Variants in STK39 observed in about 807,000 individuals in gnomAD.
The protein encoded by STK39 is STE20/SPS1-related proline-alanine-rich protein kinase.
STK39 carries 20 observed loss-of-function variants against 77.8 expected under a neutral mutation model. The ratio of observed to expected loss-of-function variants is 0.26; its 90% CI spans 0.18 to 0.37. STK39 has a LOEUF of 0.37. Among genes scored for constraint, STK39 ranks in the 10% least tolerant of loss-of-function variants. The probability of loss-of-function intolerance (pLI) is 1.00; values close to 1 mark genes in which losing one functional copy is unlikely to be tolerated. For missense variants in STK39, 479 were observed against 656.5 expected (o/e 0.73, Z 2.95); for synonymous variants, 246 against 234.1 (o/e 1.05, Z -0.47).
At chr2:168,028,289 C>T (rs1684751153) in intron 14 of STK39, among the ~76,000 whole-genome samples, 1 of 152,106 alleles carries the variant, frequency 6.6e-6, no homozygotes, top group Admixed American at 6.5e-5. Context: ...TACTTCAGAG[C>T]TGAATACATA....
intron 17 of STK39, among the ~76,000 whole-genome samples, chr2:167,960,958 T>TG: frequency 6.6e-6 from 1 of 152,264 alleles, no homozygotes; most frequent in Middle Eastern, 3.4e-3. Context: ...AGTCCTGAGA[T>TG]GGGGTCTCAG....
intron 10 of STK39, among the ~76,000 whole-genome samples, chr2:168,085,712 C>T (rs1378997409): frequency 1.3e-5 from 2 of 152,160 alleles, no homozygotes; most frequent in Non-Finnish European, 2.9e-5. Context: ...TCCAAAGATG[C>T]CCATGACAAT....
intron 16 of STK39, among the ~76,000 whole-genome samples, chr2:167,974,134 T>G (rs959628708): frequency 1.3e-5 from 2 of 152,186 alleles, no homozygotes; most frequent in Admixed American, 6.5e-5. Flanking sequence ...GATTTTTGTT[T>G]GTCTTTTGAA....
At chr2:168,043,161 C>T (rs1414030695) in intron 14 of STK39, among the ~76,000 whole-genome samples, 1 of 152,128 alleles carries the variant, frequency 6.6e-6, no homozygotes, top group Non-Finnish European at 1.5e-5. Flanking sequence ...TCAAAGCCCA[C>T]CTTTTACTCA....
chr2:168,135,616 C>T (rs1460292921), intron 8 of STK39, among the ~76,000 whole-genome samples: 1 of 152,188 alleles, frequency 6.6e-6, no homozygotes, highest in East Asian at 1.9e-4. Context: ...GCAGGAAATT[C>T]AATGTTTACT....
chr2:167,970,621 C>A (rs949355363), intron 16 of STK39, among the ~76,000 whole-genome samples: 1 of 152,170 alleles, frequency 6.6e-6, no homozygotes, highest in Non-Finnish European at 1.5e-5. Flanking sequence ...CCTGTTAAAG[C>A]AAAGTAAATA....
chr2:168,103,042 G>A (rs1485543688), intron 10 of STK39, among the ~76,000 whole-genome samples: 2 of 151,946 alleles, frequency 1.3e-5, no homozygotes, highest in Non-Finnish European at 2.9e-5. Flanking sequence ...CCAATCACAG[G>A]GATGATGAGG....
At chr2:167,999,297 C>T (rs551836622) in intron 16 of STK39, among the ~76,000 whole-genome samples, 1 of 152,222 alleles carries the variant, frequency 6.6e-6, no homozygotes, top group Admixed American at 6.5e-5. Context: ...ATCATTTTTC[C>T]TTCAGAATGC....
At chr2:168,112,372 G>A (rs981252374) in intron 10 of STK39, among the ~76,000 whole-genome samples, 1 of 152,048 alleles carries the variant, frequency 6.6e-6, no homozygotes, top group African/African-American at 2.4e-5. Flanking sequence ...GGAGGGGGCT[G>A]GTTGGGGGTG....
chr2:167,955,660 G>C, intron 17 of STK39, 90 bp from the exon 18 acceptor site: 2 of 1,290,138 alleles, frequency 1.6e-6, no homozygotes, highest in Non-Finnish European at 2.2e-6. Context: ...TCTAAGCAAA[G>C]GCACAGTTGG....
chr2:168,164,698 G>A (rs1288861813), intron 3 of STK39, among the ~76,000 whole-genome samples: 1 of 152,226 alleles, frequency 6.6e-6, no homozygotes, highest in South Asian at 2.1e-4. Flanking sequence ...ATAAGCCACT[G>A]AGCCTGGCTG....
chr2:168,095,775 CTCTT>C (rs1381267854), intron 10 of STK39, among the ~76,000 whole-genome samples: 4 of 152,034 alleles, frequency 2.6e-5, no homozygotes, highest in Admixed American at 6.5e-5. Context: ...TACAGGGTAT[CTCTT>C]TCTTTAATCA....
intron 14 of STK39, among the ~76,000 whole-genome samples, chr2:168,026,863 A>T (rs1299847351): frequency 6.6e-6 from 1 of 152,140 alleles, no homozygotes; most frequent in African/African-American, 2.4e-5. Flanking sequence ...CACGTCTGTA[A>T]TCTCAGCACT....
At chr2:168,099,679 T>C (rs945585774) in intron 10 of STK39, among the ~76,000 whole-genome samples, 2 of 152,232 alleles carry the variant, frequency 1.3e-5, no homozygotes, top group African/African-American at 4.8e-5. Context: ...ATTCAAGTTA[T>C]ACAAAATCTT....
chr2:168,091,244 G>A (rs181821459), intron 10 of STK39, among the ~76,000 whole-genome samples: 1 of 151,872 alleles, frequency 6.6e-6, no homozygotes, highest in African/African-American at 2.4e-5. Flanking sequence ...TCCAGCACAA[G>A]TTTAAATTGA....
intron 10 of STK39, among the ~76,000 whole-genome samples, chr2:168,126,620 G>C (rs1206216749): frequency 1.3e-5 from 2 of 152,108 alleles, no homozygotes; most frequent in African/African-American, 4.8e-5. Context: ...CAAGCATTGT[G>C]GGGGTTCAAA....
rs541275697 is a variant in STK39 at position 168,050,183 on chromosome 2, G to A, written c.1376+13317C>T. On this transcript the variant is annotated intron_variant, in intron 14 of 17. Transcript: ENST00000355999. ...ATAATGATAATCCAAGCTCATGAAA[G>A]TTCACTGCCCTACTTCAGGGAAGCC... Among the ~76,000 whole-genome samples, 165 of 152,312 alleles carry A rather than the reference G, an allele frequency of 1.1e-3. 1 individual carries two copies. Among genetic ancestry groups the A allele is most frequent in the African/African-American group, 3.8e-3 (159 of 41,578 alleles).
chr2:168,014,804 C>T (rs1410719112), intron 15 of STK39, among the ~76,000 whole-genome samples: 3 of 152,214 alleles, frequency 2.0e-5, no homozygotes, highest in Non-Finnish European at 2.9e-5. Context: ...TCAGTAAGAT[C>T]TTACACTTAA....
At chr2:168,183,881 TA>T (rs1689142786) in intron 1 of STK39, among the ~76,000 whole-genome samples, 3 of 152,208 alleles carry the variant, frequency 2.0e-5, no homozygotes, top group South Asian at 4.1e-4. Flanking sequence ...GATAGCAAAG[TA>T]TATTTTCCAG....
Sources: allele counts gnomAD v4.1 joint callset (sites outside exome capture counted in the v4.1 genomes callset), GRCh38; gene constraint gnomAD v4.1.1; transcripts MANE v1.5; gene names NCBI Gene and HGNC (gene_info 2026-07-23, HGNC 2026-07-21).